CP: variants seen among roughly 807,000 people sequenced by gnomAD.
The protein encoded by CP is caeruloplasmin.
A neutral mutation model predicts 122.4 loss-of-function variants in CP; 64 were observed. That is an observed-to-expected ratio of 0.52 (90% CI 0.43 to 0.64). The LOEUF (loss-of-function observed/expected upper bound fraction) is 0.64, where lower values mean the gene tolerates loss of function less well. Ranked by LOEUF, CP falls within the 30% of genes least tolerant of loss-of-function variation. The pLI, the probability that CP is intolerant of heterozygous loss-of-function variation, is 0.00. For missense variants in CP, 1,167 were observed against 1,284.4 expected (o/e 0.91, Z 1.40); for synonymous variants, 440 against 436.4 (o/e 1.01, Z -0.10).
downstream of CP, among the ~76,000 whole-genome samples, chr3:149,171,105 C>T (rs1724936888): frequency 6.6e-6 from 1 of 152,142 alleles, no homozygotes; most frequent in African/African-American, 2.4e-5. Flanking sequence ...TGGTGAAACC[C>T]TGTCTCTACT....
downstream of CP, among the ~76,000 whole-genome samples, chr3:149,170,139 A>T (rs1233314549): frequency 5.9e-5 from 9 of 152,222 alleles, no homozygotes; most frequent in Non-Finnish European, 8.8e-5. Flanking sequence ...TTATACATGA[A>T]AGTGCTTTAT....
chr3:149,185,579 C>A, intron 11 of CP, 133 bp from the exon 12 acceptor site: 1 of 773,738 alleles, frequency 1.3e-6, no homozygotes, highest in South Asian at 1.7e-5. Context: ...TCTGCTCACC[C>A]TGCTCCATCC....
intron 10 of CP, among the ~76,000 whole-genome samples, chr3:149,187,725 G>T (rs1482189041): frequency 2.0e-5 from 3 of 152,210 alleles, no homozygotes; most frequent in African/African-American, 7.2e-5. Context: ...AGATTGCCGG[G>T]ATCCATCTCC....
At position 149,221,773 on chromosome 3, in the gene CP, C is replaced by G; in HGVS notation, c.20G>C (p.Gly7Ala). MKILIL[G>A]IFLFLCSTPA... Reference sequence around the variant, plus strand: ...GGTACTACATAAAAACAGAAAAATACCAAGTATCAAAATCTTCATTTTTTT... The same window carrying G: ...GGTACTACATAAAAACAGAAAAATAGCAAGTATCAAAATCTTCATTTTTTT... Residue 7 changes from glycine to alanine, a missense_variant, in exon 1 of 19, where the codon GGT (glycine) becomes GCT (alanine). Physicochemically the swap from Gly to Ala is moderately conservative, Grantham distance 60. Around this residue, in one of 2 missense-constraint regions of CP, gnomAD observed 642 missense variants for 627.3 expected, o/e 1.02. Transcript: ENST00000264613. The G allele has an allele frequency of 6.2e-7, 1 of 1,608,780 alleles. No homozygotes were observed. The highest frequency in any genetic ancestry group is 8.5e-7 in the Non-Finnish European group (1 of 1,177,296).
chr3:149,196,197 G>A (rs1460176284), intron 9 of CP, among the ~76,000 whole-genome samples: 1 of 152,080 alleles, frequency 6.6e-6, no homozygotes, highest in Non-Finnish European at 1.5e-5. Context: ...GTATATTGTG[G>A]GATGAATCAA....
Position 149,215,684 on chromosome 3 carries a change from G to C in CP, c.147-2986C>G, listed in dbSNP as rs562838022. Among the ~76,000 whole-genome samples, 4 of 152,254 alleles carry C rather than the reference G, an allele frequency of 2.6e-5. No homozygotes were observed. The East Asian group carries it at 7.7e-4, about 29-fold the overall frequency. ...CGACAGCACAGCTTGAGGACAAAGG[G>C]CCAGTTACTGGAAGCTTGCAGGAAG... On this transcript the variant is annotated intron_variant, in intron 1 of 18. Coordinates refer to ENST00000264613, the MANE Select transcript of CP (RefSeq NM_000096.4).
rs556278892 is a variant in CP at position 149,177,898 on chromosome 3, A to G, written c.2960T>C (p.Met987Thr). 4.3e-6 allele frequency: 7 copies of G among 1,613,824 alleles called. No individual in the cohort carries two copies. In the Admixed American group the frequency reaches 8.3e-5, roughly 19 times the overall value. ...GDEVNWYLMG[M>T]GNEIDLHTVH... ...AGTGTGTAAGTCTATTTCATTGCCCATTCCCATCAGATACCAGTTGACTTC... is the reference window on the plus strand; with the variant it reads ...AGTGTGTAAGTCTATTTCATTGCCCGTTCCCATCAGATACCAGTTGACTTC... Residue 987 changes from methionine to threonine, a missense_variant, in exon 17 of 19, where the codon ATG becomes ACG. Around this residue, in one of 2 missense-constraint regions of CP, gnomAD observed 525 missense variants for 657.2 expected, o/e 0.80. Coordinates refer to ENST00000264613, the MANE Select transcript of CP (RefSeq NM_000096.4).
In CP at chr3:149,206,287, C is replaced by T; in HGVS notation, c.1089G>A (p.Lys363=). 6.2e-7 allele frequency: 1 copy of T among 1,613,900 alleles called. No individual in the cohort carries two copies. Among genetic ancestry groups the T allele is most frequent in the Non-Finnish European group, 8.5e-7 (1 of 1,179,866 alleles). Residue 363 remains lysine (K), a synonymous_variant, in exon 6 of 19, where the codon AAG becomes AAA. Transcript: ENST00000264613. ...TAACATGCTTCCCACGGATATTATC[C>T]TTTGATGAAGACTTGTTACACTCCT... ...QVQECNKSSS[K]DNIRGKHVRH...
At chr3:149,212,147 A>T (rs1032492891) in intron 2 of CP, among the ~76,000 whole-genome samples, 3 of 151,864 alleles carry the variant, frequency 2.0e-5, no homozygotes, top group Admixed American at 6.6e-5. Flanking sequence ...CAAAAAAAAA[A>T]TAAAAATAAA....
At chr3:149,181,336 A>G (rs1441078498) in intron 14 of CP, among the ~76,000 whole-genome samples, 1 of 152,090 alleles carries the variant, frequency 6.6e-6, no homozygotes, top group Non-Finnish European at 1.5e-5. Flanking sequence ...CCTGAATTTC[A>G]TTACTTCTCA....
intron 14 of CP, among the ~76,000 whole-genome samples, chr3:149,180,954 G>C (rs780283958): frequency 6.6e-6 from 1 of 151,946 alleles, no homozygotes; most frequent in Non-Finnish European, 1.5e-5. Context: ...AATGGAACCA[G>C]AATATGATAA....
chr3:149,201,316 T>G (rs1039142721), intron 7 of CP, among the ~76,000 whole-genome samples: 1 of 151,576 alleles, frequency 6.6e-6, no homozygotes, highest in East Asian at 2.0e-4. Context: ...TAGAGACTGG[T>G]TTCACCGTGT....
chr3:149,189,920 A>G (rs1726435443), intron 9 of CP, among the ~76,000 whole-genome samples: 1 of 152,212 alleles, frequency 6.6e-6, no homozygotes, highest in Non-Finnish European at 1.5e-5. Flanking sequence ...AAAATGAAAT[A>G]CTGAGATTTG....
intron 7 of CP, among the ~76,000 whole-genome samples, chr3:149,200,380 A>G (rs1576762898): frequency 6.6e-6 from 1 of 152,330 alleles, no homozygotes; most frequent in African/African-American, 2.4e-5. Context: ...ACATTTATAG[A>G]GAGTTTCCTA....
At chr3:149,198,027 C>T (rs538829677) in intron 9 of CP, among the ~76,000 whole-genome samples, 1 of 152,292 alleles carries the variant, frequency 6.6e-6, no homozygotes, top group East Asian at 1.9e-4. Flanking sequence ...GGACCAATGA[C>T]TCTTGCAACA....
chr3:149,164,322 G>T (rs184980971), intron 5 of CP, among the ~76,000 whole-genome samples: 2 of 152,214 alleles, frequency 1.3e-5, no homozygotes, highest in African/African-American at 4.8e-5. Context: ...CACATTTTAG[G>T]TCTCTAACCC....
At position 149,212,647 on chromosome 3, in the gene CP, T is replaced by C. The variant is rs774051224; in HGVS notation, c.198A>G (p.Leu66=). Residue 66 remains leucine (L), a synonymous_variant, in exon 2 of 19, where the codon CTA becomes CTG. Coordinates refer to ENST00000264613, the MANE Select transcript of CP (RefSeq NM_000096.4). ...LQNGPDRIGR[L]YKKALYLQYT... is the part of the protein sequence containing the mutation. ...ACTGAAGATAAAGGGCCTTCTTATATAGTCTCCCAATTCTATCTGGGCCAT... is the reference window on the plus strand; with the variant it reads ...ACTGAAGATAAAGGGCCTTCTTATACAGTCTCCCAATTCTATCTGGGCCAT... 11 of 1,613,934 alleles carry C rather than the reference T, an allele frequency of 6.8e-6. No individual in the cohort carries two copies. The South Asian group carries it at 1.1e-4, about 16-fold the overall frequency.
At position 149,173,194 on chromosome 3, in the gene CP, A is replaced by C. The variant is rs148756469; in HGVS notation, c.*520T>G. 2 of 152,426 alleles carry C rather than the reference A, an allele frequency of 1.3e-5. No homozygotes were observed. The highest frequency in any genetic ancestry group is 3.8e-4 in the East Asian group (2 of 5,200). 9.4% of individuals were successfully genotyped at this position (152,426 alleles called of 1,614,324 possible). On this transcript the variant is annotated 3_prime_UTR_variant, in exon 19 of 19. Transcript: ENST00000264613. Reference sequence around the variant, plus strand: ...TCTCCAGTTCCAGATAACGTCCTTAAGACCATCTGTTCAGGGGTTCACAAA... The same window carrying C: ...TCTCCAGTTCCAGATAACGTCCTTACGACCATCTGTTCAGGGGTTCACAAA...
chr3:149,162,532 C>T (rs988999924), exon 6 of CP: 22 of 976,886 alleles, frequency 2.3e-5, no homozygotes, highest in Non-Finnish European at 3.0e-5. Flanking sequence ...AATCTGTTTC[C>T]TTTTAAAAAT....
Sources: allele counts gnomAD v4.1 joint callset (sites outside exome capture counted in the v4.1 genomes callset), GRCh38; gene constraint gnomAD v4.1.1; regional missense constraint gnomAD v4.1.1; transcripts MANE v1.5; gene names NCBI Gene and HGNC (gene_info 2026-07-23, HGNC 2026-07-21).